Variants in ADGRA3 observed in about 807,000 individuals in gnomAD.
ADGRA3 encodes G-protein coupled receptor 125.
ADGRA3 carries 56 observed loss-of-function variants against 119.8 expected under a neutral mutation model. The ratio of observed to expected loss-of-function variants is 0.47; its 90% CI spans 0.38 to 0.58. ADGRA3 has a LOEUF of 0.58. Among genes scored for constraint, ADGRA3 ranks in the 20% least tolerant of loss-of-function variants. The probability of loss-of-function intolerance (pLI) is 0.00; values close to 1 mark genes in which losing one functional copy is unlikely to be tolerated. For synonymous variants in ADGRA3, 607 were observed against 623.8 expected (o/e 0.97, Z 0.40); for missense variants, 1,516 against 1,649.0 (o/e 0.92, Z 1.40).
intron 15 of ADGRA3, 114 bp downstream of exon 15, chr4:22,402,561 C>A (rs2109008409): frequency 1.9e-6 from 2 of 1,030,034 alleles, no homozygotes; most frequent in Non-Finnish European, 2.9e-6. Flanking sequence ...AAGTCATCAT[C>A]CTTACTTTGG....
chr4:22,503,585 G>A (rs552499375), intron 1 of ADGRA3, among the ~76,000 whole-genome samples: 43 of 152,256 alleles, frequency 2.8e-4, no homozygotes, highest in African/African-American at 8.7e-4. Context: ...GGCCATGGCA[G>A]CACTGGCTGT....
rs776502251 is a variant in ADGRA3, at chr4:22,388,604, A to C, written c.3067T>G (p.Leu1023Val). The C allele has an allele frequency of 6.2e-7, 1 of 1,614,124 alleles. No homozygotes were observed. The highest frequency in any genetic ancestry group is 2.2e-5 in the East Asian group (1 of 44,868). Residue 1023 changes from leucine to valine, a missense_variant, in exon 19 of 19, where the codon TTG (leucine) becomes GTG (valine). By Grantham distance (32) the Leu-to-Val change is conservative. Around this residue, in one of 2 missense-constraint regions of ADGRA3, gnomAD observed 1,088 missense variants for 1,107.1 expected, o/e 0.98. Transcript: ENST00000334304. Reference sequence around the variant, plus strand: ...AAAACGAAGCTAAAAACCAAGTCCAAAGGGTAATACAAAGAAACAGCCAAA... The same window carrying C: ...AAAACGAAGCTAAAAACCAAGTCCACAGGGTAATACAAAGAAACAGCCAAA... The part of the protein sequence containing the change: ...GALAVSLYYP[L>V]DLVFSFVFGA...
intron 7 of ADGRA3, among the ~76,000 whole-genome samples, chr4:22,438,649 T>C (rs61792018): frequency 0.027 from 4,109 of 152,074 alleles, 96 homozygotes; most frequent in African/African-American, 0.064. Flanking sequence ...ATAAGAGACA[T>C]ATGAATCAAA....
intron 2 of ADGRA3, among the ~76,000 whole-genome samples, chr4:22,462,110 CATT>C (rs1357933246): frequency 6.6e-6 from 1 of 152,144 alleles, no homozygotes; most frequent in Non-Finnish European, 1.5e-5. Flanking sequence ...CAATCATATA[CATT>C]ATTTCTATAA....
intron 3 of ADGRA3, 128 bp downstream of exon 3, chr4:22,461,609 A>T (rs541550827): frequency 1.6e-6 from 1 of 614,910 alleles, no homozygotes; most frequent in South Asian, 2.2e-5. Context: ...CTCTTTCTGT[A>T]TCAGGGACCT....
chr4:22,461,789 T>G lies in ADGRA3; in HGVS notation c.349A>C (p.Ile117Leu). Residue 117 changes from isoleucine (I) to leucine (L), a missense_variant, in exon 3 of 19, where the codon ATT (isoleucine) becomes CTT (leucine). By Grantham distance (5) the Ile-to-Leu change is conservative. Around this residue, in one of 2 missense-constraint regions of ADGRA3, gnomAD observed 428 missense variants for 541.9 expected, o/e 0.79. Coordinates refer to ENST00000334304, the MANE Select transcript of ADGRA3 (RefSeq NM_145290.4). ...LERLDLRNNL[I>L]SSIDPGAFWG... ...AAGGCACCTGGATCTATACTACTAA[T>G]AAGATTGTTTCGGAGGTCCCTGTTA... The G allele has an allele frequency of 2.5e-6, 4 of 1,606,416 alleles. No homozygotes were observed. Among genetic ancestry groups the G allele is most frequent in the Non-Finnish European group, 3.4e-6 (4 of 1,174,872 alleles).
At chr4:22,504,277 A>G (rs982678335) in intron 1 of ADGRA3, among the ~76,000 whole-genome samples, 8 of 152,214 alleles carry the variant, frequency 5.3e-5, no homozygotes, top group Non-Finnish European at 1.2e-4. Context: ...TAAAAACTTT[A>G]TTTAAATTAA....
intron 8 of ADGRA3, 57 bp downstream of exon 8, chr4:22,438,199 A>G: frequency 6.8e-7 from 1 of 1,464,858 alleles, no homozygotes; most frequent in Non-Finnish European, 9.5e-7. Flanking sequence ...TGTGTCTTAG[A>G]CAACAGAAGG....
intron 16 of ADGRA3, among the ~76,000 whole-genome samples, chr4:22,399,170 C>T (rs1396455797): frequency 1.3e-5 from 2 of 152,218 alleles, no homozygotes; most frequent in African/African-American, 2.4e-5. Context: ...TCTTCTACGA[C>T]ATGCTCATCC....
At chr4:22,490,843 C>T (rs2109148578) in intron 1 of ADGRA3, among the ~76,000 whole-genome samples, 1 of 152,310 alleles carries the variant, frequency 6.6e-6, no homozygotes, top group East Asian at 1.9e-4. Context: ...TTACCACTAA[C>T]TGAGCTGCAT....
chr4:22,466,437 C>A (rs1717661324), intron 2 of ADGRA3, among the ~76,000 whole-genome samples: 1 of 152,182 alleles, frequency 6.6e-6, no homozygotes, highest in South Asian at 2.1e-4. Context: ...CAGAAAAATA[C>A]CTGTGAATGC....
At chr4:22,447,281 T>C (rs1410264870) in intron 5 of ADGRA3, among the ~76,000 whole-genome samples, 159 bp downstream of exon 5, 2 of 151,894 alleles carry the variant, frequency 1.3e-5, no homozygotes, top group African/African-American at 4.8e-5. Flanking sequence ...TTATTCAGGG[T>C]TACTGTATGT....
chr4:22,398,404 T>C (rs934282143), intron 16 of ADGRA3, among the ~76,000 whole-genome samples: 1 of 152,108 alleles, frequency 6.6e-6, no homozygotes, highest in Non-Finnish European at 1.5e-5. Context: ...TTAGTTACTG[T>C]TAATAGTATG....
chr4:22,402,126 C>A (rs558270291), intron 15 of ADGRA3, among the ~76,000 whole-genome samples: 1 of 152,058 alleles, frequency 6.6e-6, no homozygotes, highest in Non-Finnish European at 1.5e-5. Context: ...TTTTGTAAAG[C>A]GAATTTCTGC....
chr4:22,484,017 GT>G (rs1718339424), intron 1 of ADGRA3, among the ~76,000 whole-genome samples: 1 of 151,746 alleles, frequency 6.6e-6, no homozygotes, highest in African/African-American at 2.4e-5. Context: ...TGAACCCCAA[GT>G]AAAAAAATGC....
chr4:22,467,634 T>C (rs1334404904), intron 2 of ADGRA3, among the ~76,000 whole-genome samples: 1 of 152,220 alleles, frequency 6.6e-6, no homozygotes, highest in Non-Finnish European at 1.5e-5. Flanking sequence ...CACTGTAATA[T>C]GATTTAAAGA....
At chr4:22,424,766 T>A (rs1052026132) in intron 10 of ADGRA3, among the ~76,000 whole-genome samples, 1 of 152,194 alleles carries the variant, frequency 6.6e-6, no homozygotes, top group Non-Finnish European at 1.5e-5. Context: ...ATCAAACTAT[T>A]ATTATTAAGA....
intron 1 of ADGRA3, 27 bp downstream of exon 1, chr4:22,515,501 G>A: frequency 6.3e-7 from 1 of 1,597,954 alleles, no homozygotes; most frequent in Admixed American, 1.7e-5. Flanking sequence ...GAGCGGGAGA[G>A]GACCCAGCGT....
chr4:22,510,496 T>G (rs1719412382), intron 1 of ADGRA3, among the ~76,000 whole-genome samples: 1 of 152,026 alleles, frequency 6.6e-6, no homozygotes, highest in South Asian at 2.1e-4. Flanking sequence ...TCCTCTATGT[T>G]CTAGTGTGGT....
Sources: gnomAD v4.1 joint callset for allele counts (sites outside exome capture counted in the v4.1 genomes callset) on GRCh38, gnomAD v4.1.1 for gene constraint, gnomAD v4.1.1 regional missense constraint, MANE v1.5 for transcripts, NCBI Gene and HGNC (gene_info 2026-07-23, HGNC 2026-07-21) for gene names.